TNS3: variants seen among roughly 807,000 people sequenced by gnomAD.
TNS3 encodes tensin-3.
Under a neutral mutation model 140.9 loss-of-function variants are expected in TNS3, and 45 were observed. That is an observed-to-expected ratio of 0.32 (90% CI 0.25 to 0.41). The LOEUF is 0.41. Ranked by LOEUF, TNS3 falls within the 10% of genes least tolerant of loss-of-function variation. TNS3 has a pLI of 1.00. For missense variants in TNS3, 1,716 were observed against 1,906.7 expected (o/e 0.90, Z 1.86); for synonymous variants, 815 against 788.4 (o/e 1.03, Z -0.56).
intron 8 of TNS3, among the ~76,000 whole-genome samples, chr7:47,433,997 G>A (rs1291987077): frequency 6.6e-6 from 1 of 151,586 alleles, no homozygotes; most frequent in African/African-American, 2.4e-5. Context: ...AGGTCATCAC[G>A]GACGATTTGG....
chr7:47,435,506 T>A, intron 7 of TNS3, 102 bp from the exon 8 acceptor site: 1 of 1,530,742 alleles, frequency 6.5e-7, no homozygotes, highest in Non-Finnish European at 8.9e-7. Flanking sequence ...CATTTGGGAG[T>A]AAAGAACATG....
chr7:47,547,926 A>C (rs1799965334), intron 1 of TNS3, among the ~76,000 whole-genome samples: 1 of 152,148 alleles, frequency 6.6e-6, no homozygotes, highest in Admixed American at 6.5e-5. Context: ...CTCCTGACGG[A>C]GTCTCACTCT....
Position 47,369,616 on chromosome 7 carries a change from G to A in TNS3, c.1030C>T (p.His344Tyr). Residue 344 changes from histidine to tyrosine, a missense_variant, in exon 17 of 31, where the codon CAC becomes TAC. Transcript: ENST00000311160. ...CTGCCATCGACAGGGCCCTGCGTGT[G>A]TAGCACTGCGGGGGAGAAAACCGGA... The part of the protein sequence containing the change: ...ENLSADGEVL[H>Y]TQGPVDGSLY... 1 of 1,566,368 alleles carries A rather than the reference G, an allele frequency of 6.4e-7. No individual in the cohort carries two copies. Among genetic ancestry groups the A allele is most frequent in the Non-Finnish European group, 8.7e-7 (1 of 1,156,040 alleles).
intron 3 of TNS3, among the ~76,000 whole-genome samples, chr7:47,494,943 G>A (rs1797946191): frequency 6.6e-6 from 1 of 152,060 alleles, no homozygotes; most frequent in Non-Finnish European, 1.5e-5. Context: ...TTTTGGCCCC[G>A]CTGATAAAAA....
intron 11 of TNS3, 93 bp from the exon 12 acceptor site, chr7:47,414,090 C>T: frequency 7.6e-7 from 1 of 1,314,806 alleles, no homozygotes; most frequent in Non-Finnish European, 1.1e-6. Context: ...ACGAGGAGAC[C>T]AGGAGACTGC....
At chr7:47,381,425 G>A (rs1791751990) in intron 16 of TNS3, among the ~76,000 whole-genome samples, 1 of 152,136 alleles carries the variant, frequency 6.6e-6, no homozygotes. Context: ...AACGTAGGTG[G>A]GCTTCAGACA....
intron 4 of TNS3, among the ~76,000 whole-genome samples, chr7:47,445,107 C>A (rs2151596390): frequency 6.6e-6 from 1 of 152,282 alleles, no homozygotes; most frequent in East Asian, 1.9e-4. Context: ...CACTTAAAAT[C>A]GAGGCGAGAA....
intron 17 of TNS3, among the ~76,000 whole-genome samples, chr7:47,365,625 G>T (rs969199617): frequency 3.3e-5 from 5 of 151,272 alleles, no homozygotes; most frequent in Non-Finnish European, 7.4e-5. Context: ...TTAGCCGGGC[G>T]TGATGGCGGG....
In TNS3 at chr7:47,530,838, A is replaced by AATATATAT. The variant is rs1554350245; in HGVS notation, c.-264-1699_-264-1692dup. 1.5e-3 allele frequency among the ~76,000 whole-genome samples: 80 copies of AATATATAT among 54,552 alleles called. 3 individuals are homozygous for AATATATAT. The highest frequency in any genetic ancestry group is 5.2e-3 in the African/African-American group (66 of 12,662). The allele number at this position is 54,552 out of a possible 152,430, so 35.8% of individuals were successfully genotyped here. A position where few individuals can be genotyped will look rare whatever the true frequency, so the allele number is the denominator to read the frequency against. Reference sequence around the variant, plus strand: ...AACTCCATCTCAAAAAAAAAAAAAAAATATATATATATATATATATTTCTA... The same window carrying AATATATAT: ...AACTCCATCTCAAAAAAAAAAAAAAAATATATATATATATATATATATATATATTTCTA... On this transcript the variant is annotated intron_variant, in intron 1 of 30. Coordinates refer to ENST00000311160, the MANE Select transcript of TNS3 (RefSeq NM_022748.12).
chr7:47,559,640 C>T (rs1800282781), intron 1 of TNS3, among the ~76,000 whole-genome samples: 1 of 152,072 alleles, frequency 6.6e-6, no homozygotes, highest in African/African-American at 2.4e-5. Context: ...GAGAGGCCAG[C>T]CCTCCTGCTC....
At chr7:47,539,373 T>G in intron 1 of TNS3, 1 of 336,982 alleles carries the variant, frequency 3.0e-6, no homozygotes, top group Non-Finnish European at 5.9e-6. Context: ...GTGCGTGTGA[T>G]AAACCTCCCC....
chr7:47,429,584 G>A (rs571195900), intron 8 of TNS3, among the ~76,000 whole-genome samples: 171 of 152,240 alleles, frequency 1.1e-3, no homozygotes, highest in South Asian at 3.9e-3. Flanking sequence ...AGCCAGGATG[G>A]TCTCGATCTC....
At chr7:47,445,708 A>G (rs1234821470) in intron 4 of TNS3, among the ~76,000 whole-genome samples, 1 of 152,194 alleles carries the variant, frequency 6.6e-6, no homozygotes, top group East Asian at 1.9e-4. Context: ...GGACATGCCT[A>G]TGACAGGTCC....
intron 2 of TNS3, among the ~76,000 whole-genome samples, chr7:47,519,407 C>A (rs1431709990): frequency 1.3e-5 from 2 of 152,128 alleles, no homozygotes; most frequent in Non-Finnish European, 2.9e-5. Context: ...ACTCAGGAAA[C>A]CCTCTTAGTA....
At chr7:47,342,099 T>C (rs931571269) in intron 20 of TNS3, among the ~76,000 whole-genome samples, 4 of 152,152 alleles carry the variant, frequency 2.6e-5, no homozygotes, top group African/African-American at 9.7e-5. Context: ...TTACTTTTAG[T>C]CCTCTGAAGA....
intron 17 of TNS3, among the ~76,000 whole-genome samples, chr7:47,348,670 A>G (rs879339419): frequency 3.9e-5 from 6 of 152,208 alleles, no homozygotes; most frequent in Non-Finnish European, 5.9e-5. Flanking sequence ...TGTCTCAACT[A>G]AAAATAGTAA....
intron 2 of TNS3, among the ~76,000 whole-genome samples, chr7:47,521,778 C>T (rs1439456732): frequency 1.3e-5 from 2 of 152,148 alleles, no homozygotes; most frequent in African/African-American, 4.8e-5. Flanking sequence ...CCAAATAAGG[C>T]AGGCACAGCC....
intron 17 of TNS3, among the ~76,000 whole-genome samples, chr7:47,361,564 T>C (rs1790338292): frequency 1.3e-5 from 2 of 152,224 alleles, no homozygotes; most frequent in South Asian, 4.1e-4. Flanking sequence ...AATCAGAGCT[T>C]GCAGATAAGC....
chr7:47,321,067 C>T (rs948690086), intron 20 of TNS3, among the ~76,000 whole-genome samples: 1 of 152,220 alleles, frequency 6.6e-6, no homozygotes, highest in Non-Finnish European at 1.5e-5. Flanking sequence ...GGAATTCTGA[C>T]CAGCCTGAGG....
Sources: gnomAD v4.1 joint callset for allele counts (sites outside exome capture counted in the v4.1 genomes callset) on GRCh38, gnomAD v4.1.1 for gene constraint, MANE v1.5 for transcripts, NCBI Gene and HGNC (gene_info 2026-07-23, HGNC 2026-07-21) for gene names.